The following IMMT variants were observed in gnomAD, a reference collection of about 807,000 sequenced individuals.
IMMT encodes the protein MICOS complex subunit MIC60.
IMMT carries 40 observed loss-of-function variants against 92.7 expected under a neutral mutation model. That is an observed-to-expected ratio of 0.43 (90% CI 0.34 to 0.56). IMMT has a LOEUF of 0.56. Ranked by LOEUF, IMMT falls within the 20% of genes least tolerant of loss-of-function variation. The pLI, the probability that IMMT is intolerant of heterozygous loss-of-function variation, is 0.03. For missense variants in IMMT, 831 were observed against 912.1 expected (o/e 0.91, Z 1.14); for synonymous variants, 322 against 336.1 (o/e 0.96, Z 0.46).
At chr2:86,153,304 TACACACACACAC>T (rs10572745) in intron 11 of IMMT, among the ~76,000 whole-genome samples, 19 of 143,936 alleles carry the variant, frequency 1.3e-4, no homozygotes, top group African/African-American at 2.7e-4. Flanking sequence ...CAATCCATAT[TACACACACACAC>T]ACACACACAC....
intron 1 of IMMT, among the ~76,000 whole-genome samples, chr2:86,189,995 A>T (rs907140895): frequency 1.3e-5 from 2 of 152,236 alleles, no homozygotes; most frequent in African/African-American, 4.8e-5. Flanking sequence ...ACTTATCAGT[A>T]TGACAAAAGC....
chr2:86,147,656 T>A, intron 13 of IMMT, 46 bp downstream of exon 13: 1 of 1,576,470 alleles, frequency 6.3e-7, no homozygotes, highest in South Asian at 1.2e-5. Context: ...AGTCTCTTAA[T>A]CCTGTCAGGA....
At chr2:86,158,786 A>T (rs566928248) in intron 9 of IMMT, 65 bp from the exon 10 acceptor site, 1 of 1,308,286 alleles carries the variant, frequency 7.6e-7, no homozygotes, top group Non-Finnish European at 1.1e-6. Flanking sequence ...TCCAAGAAAC[A>T]GAAGTAGTAT....
At chr2:86,177,341 G>A (rs1351561286) in intron 3 of IMMT, among the ~76,000 whole-genome samples, 2 of 151,490 alleles carry the variant, frequency 1.3e-5, no homozygotes, top group South Asian at 2.1e-4. Flanking sequence ...AGTGGCTCAC[G>A]CCTGTAATCC....
In IMMT at chr2:86,195,404, G is replaced by A. The variant is rs751941723; in HGVS notation, c.-22C>T. On this transcript the variant is annotated 5_prime_UTR_variant, in exon 1 of 15. Transcript: ENST00000410111. The stretch of plus-strand genomic sequence containing the variant: ...GCATCTCGGTCAAGCGGACGGCGCT[G>A]CTGGTGGACTCGAGCTGCCGCGGCG... 13 of 1,546,212 alleles carry A rather than the reference G, an allele frequency of 8.4e-6. No homozygotes were observed. The highest frequency in any genetic ancestry group is 1.7e-4 in the Middle Eastern group (1 of 5,822).
intron 8 of IMMT, among the ~76,000 whole-genome samples, chr2:86,160,317 A>G (rs764745164): frequency 1.4e-4 from 21 of 152,206 alleles, no homozygotes; most frequent in Non-Finnish European, 2.6e-4. Context: ...TGAGCACACA[A>G]TAAACAGCAG....
chr2:86,167,683 C>T (rs1235404362), intron 6 of IMMT, among the ~76,000 whole-genome samples: 4 of 151,430 alleles, frequency 2.6e-5, no homozygotes, highest in African/African-American at 4.9e-5. Context: ...AGGGTTTCAC[C>T]GTGTTAGCCA....
At chr2:86,152,656 G>A (rs1035517662) in intron 11 of IMMT, among the ~76,000 whole-genome samples, 21 of 151,994 alleles carry the variant, frequency 1.4e-4, no homozygotes, top group African/African-American at 4.8e-4. Flanking sequence ...AGCTACTCAG[G>A]AGGCTGAGGC....
chr2:86,167,273 G>A (rs1292896298), intron 6 of IMMT, among the ~76,000 whole-genome samples: 4 of 143,604 alleles, frequency 2.8e-5, no homozygotes, highest in South Asian at 2.3e-4. Flanking sequence ...CCGGGTTCAC[G>A]CCATTCTCCT....
intron 1 of IMMT, chr2:86,193,132 G>A (rs11897696): frequency 0.46 from 69,583 of 151,338 alleles, 16,555 homozygotes; most frequent in Non-Finnish European, 0.51. Flanking sequence ...GGCTGGGCAC[G>A]GTGGCTCGTG....
rs145634792 is a variant in IMMT, at chr2:86,177,027, T to C, written c.309+2406A>G. ...TGATGTAGAAGACTAGTCAAAAACA[T>C]TGTGAAAAAGTATGGTTGGGGTGGG... is the stretch of plus-strand genomic sequence containing the variant. On this transcript the variant is annotated intron_variant, in intron 3 of 14. Transcript: ENST00000410111. Among the ~76,000 whole-genome samples the C allele has an allele frequency of 1.6e-3, 250 of 152,260 alleles. 2 individuals carry two copies. The highest frequency in any genetic ancestry group is 5.5e-3 in the African/African-American group (230 of 41,554).
chr2:86,177,328 C>T (rs912875428), intron 3 of IMMT, among the ~76,000 whole-genome samples: 9 of 151,482 alleles, frequency 5.9e-5, no homozygotes, highest in Admixed American at 1.3e-4. Flanking sequence ...TTAGGCTGGG[C>T]GCAGTGGCTC....
chr2:86,151,179 A>G (rs1210249435), intron 12 of IMMT, 118 bp downstream of exon 12: 2 of 867,920 alleles, frequency 2.3e-6, no homozygotes, highest in Non-Finnish European at 3.6e-6. Context: ...TGGCCTCCCA[A>G]AGTGCCGCGA....
Position 86,179,482 on chromosome 2 carries a change from T to G in IMMT, c.260A>C (p.Glu87Ala), listed in dbSNP as rs1677682749. 1 of 1,612,804 alleles carries G rather than the reference T, an allele frequency of 6.2e-7. No individual in the cohort carries two copies. The highest frequency in any genetic ancestry group is 8.5e-7 in the Non-Finnish European group (1 of 1,179,514). The change falls in exon 3 of 15, where the codon GAG (glutamate) becomes GCG (alanine). Residue 87 changes from glutamate to alanine, a missense_variant. Glu to Ala is a moderately radical substitution (Grantham distance 107). Coordinates refer to ENST00000410111, the MANE Select transcript of IMMT (RefSeq NM_006839.3). Reference protein sequence around the residue: ...KTIPYSDKLFEMVLGPAAYNV... With the variant: ...KTIPYSDKLFAMVLGPAAYNV... ...ATAAGCTGCAGGACCAAGAACCATC[T>G]CGAAGAGTTTGTCTGAGTAAGGTAT... is the stretch of plus-strand genomic sequence containing the variant.
At chr2:86,178,326 A>AAAG in intron 3 of IMMT, among the ~76,000 whole-genome samples, 1 of 145,622 alleles carries the variant, frequency 6.9e-6, no homozygotes, top group Admixed American at 6.8e-5. Context: ...TCAAAAAAAA[A>AAAG]AAAAAGAAAA....
intron 6 of IMMT, among the ~76,000 whole-genome samples, chr2:86,167,477 GTT>G (rs796945734): frequency 2.5e-5 from 1 of 39,564 alleles, no homozygotes; most frequent in African/African-American, 7.6e-5. Flanking sequence ...CCGGTTTTTT[GTT>G]TTTTGTTTTT....
chr2:86,164,052 A>ATTT lies in IMMT; in HGVS notation c.793-1976_793-1974dup, dbSNP rs540613367. On this transcript the variant is annotated intron_variant, in intron 7 of 14. Coordinates refer to ENST00000410111, the MANE Select transcript of IMMT (RefSeq NM_006839.3). The stretch of plus-strand genomic sequence containing the variant: ...GTTTCAGTGAATTCCCACTTTAGTC[A>ATTT]TTTTTTTTTTTTTTTTTTTTTTGAG... Among the ~76,000 whole-genome samples, 577 of 63,020 alleles carry ATTT rather than the reference A, an allele frequency of 9.2e-3. 58 individuals carry two copies. The highest frequency in any genetic ancestry group is 0.03 in the African/African-American group (541 of 17,966). 41.3% of individuals were successfully genotyped at this position (63,020 alleles called of 152,430 possible). A position where few individuals can be genotyped will look rare whatever the true frequency, so the allele number is the denominator to read the frequency against.
intron 9 of IMMT, among the ~76,000 whole-genome samples, chr2:86,158,971 C>G (rs768725782): frequency 2.0e-5 from 3 of 151,938 alleles, no homozygotes; most frequent in African/African-American, 4.8e-5. Flanking sequence ...GGCAGAAGAT[C>G]TGCTACAAAA....
chr2:86,162,261 G>A (rs1281605893), intron 7 of IMMT, among the ~76,000 whole-genome samples, 182 bp from the exon 8 acceptor site: 2 of 151,312 alleles, frequency 1.3e-5, no homozygotes, highest in South Asian at 2.1e-4. Flanking sequence ...CTTATGATCT[G>A]CCCACATCGG....
Sources: gnomAD v4.1 joint callset for allele counts (sites outside exome capture counted in the v4.1 genomes callset) on GRCh38, gnomAD v4.1.1 for gene constraint, MANE v1.5 for transcripts, NCBI Gene and HGNC (gene_info 2026-07-23, HGNC 2026-07-21) for gene names.